Variants in SAMD5 observed in about 807,000 individuals in gnomAD.
SAMD5 encodes sterile alpha motif domain containing 5.
In SAMD5, 13 loss-of-function variants were observed where a neutral mutation model predicts 11.3. That is an observed-to-expected ratio of 1.15 (90% CI 0.75 to 1.83). The LOEUF (loss-of-function observed/expected upper bound fraction) is 1.83. Ranked by LOEUF, SAMD5 falls within the 40% of genes most tolerant of loss-of-function variation. SAMD5 has a pLI of 0.00. For synonymous variants in SAMD5, 129 were observed against 111.3 expected (o/e 1.16, Z -1.00); for missense variants, 255 against 239.1 (o/e 1.07, Z -0.44).
intron 1 of SAMD5, among the ~76,000 whole-genome samples, chr6:147,611,513 A>G (rs1325876594): frequency 6.6e-6 from 1 of 151,806 alleles, no homozygotes; most frequent in African/African-American, 2.4e-5. Flanking sequence ...CAGTGAGCCG[A>G]GATCACACCA....
the SAMD5 span, among the ~76,000 whole-genome samples, chr6:147,780,295 C>T: frequency 0.027 from 4,050 of 151,994 alleles, 176 homozygotes; most frequent in African/African-American, 0.092. Context: ...GCAATGTCTG[C>T]CTCCTGAGTT....
intron 1 of SAMD5, among the ~76,000 whole-genome samples, chr6:147,518,564 A>T (rs1788206891): frequency 6.6e-6 from 1 of 152,200 alleles, no homozygotes; most frequent in African/African-American, 2.4e-5. Context: ...CGTGGACTTG[A>T]TGAGGGCTGG....
chr6:147,816,281 C>CAAAAAAAAAAAAA, the SAMD5 span, among the ~76,000 whole-genome samples: 1 of 27,844 alleles, frequency 3.6e-5, no homozygotes, highest in African/African-American at 1.6e-4. Context: ...ACTCCGTCTC[C>CAAAAAAAAAAAAA]AAAAAAAAAA....
At chr6:147,933,522 T>G in the SAMD5 span, among the ~76,000 whole-genome samples, 1 of 152,196 alleles carries the variant, frequency 6.6e-6, no homozygotes, top group East Asian at 1.9e-4. Flanking sequence ...ATTCTACTCT[T>G]TCTTTGCTGT....
the SAMD5 span, among the ~76,000 whole-genome samples, chr6:147,771,527 C>A: frequency 6.6e-6 from 1 of 152,274 alleles, no homozygotes; most frequent in East Asian, 1.9e-4. Context: ...TGAATTCATG[C>A]CTCTCAAATG....
In SAMD5 at chr6:147,568,036, T is replaced by C; in HGVS notation, c.*3580T>C. Reference sequence around the variant, plus strand: ...AGGTATTTCATTAGCTTTCTTCTCTTTATGGCAGCTTCAGATTGATGAATT... The same window carrying C: ...AGGTATTTCATTAGCTTTCTTCTCTCTATGGCAGCTTCAGATTGATGAATT... On this transcript the variant is annotated 3_prime_UTR_variant, in exon 2 of 2. Transcript: ENST00000367474. The C allele has an allele frequency of 1.0e-6, 1 of 985,414 alleles. No individual in the cohort carries two copies. The highest frequency in any genetic ancestry group is 1.2e-6 in the Non-Finnish European group (1 of 829,934). The allele number at this position is 985,414 out of a possible 1,614,324, so 61.0% of individuals were successfully genotyped here.
At chr6:147,595,784 C>G (rs1231585256) in intron 1 of SAMD5, among the ~76,000 whole-genome samples, 1 of 152,050 alleles carries the variant, frequency 6.6e-6, no homozygotes. Context: ...CTCTGCCTCC[C>G]AAAGTGCTGG....
the SAMD5 span, among the ~76,000 whole-genome samples, chr6:147,937,186 G>T: frequency 6.6e-6 from 1 of 152,152 alleles, no homozygotes; most frequent in Non-Finnish European, 1.5e-5. Context: ...GTTACTGAAG[G>T]CTATAATATT....
At chr6:147,690,090 TG>T (rs1453322688) in intron 1 of SAMD5, among the ~76,000 whole-genome samples, 3 of 152,180 alleles carry the variant, frequency 2.0e-5, no homozygotes, top group Non-Finnish European at 4.4e-5. Flanking sequence ...ATCAAAATGT[TG>T]TTGGAGACAT....
At chr6:147,826,503 G>T in the SAMD5 span, among the ~76,000 whole-genome samples, 7 of 152,140 alleles carry the variant, frequency 4.6e-5, no homozygotes, top group African/African-American at 1.7e-4. Flanking sequence ...TTCTACTAAT[G>T]GTTCTTCAGT....
chr6:147,665,360 A>G (rs1420415315), intron 1 of SAMD5, among the ~76,000 whole-genome samples: 1 of 152,212 alleles, frequency 6.6e-6, no homozygotes, highest in Admixed American at 6.5e-5. Flanking sequence ...AAAACTTGTT[A>G]TGTCTACATG....
At chr6:147,599,993 G>T (rs1789591691) in intron 1 of SAMD5, among the ~76,000 whole-genome samples, 1 of 152,024 alleles carries the variant, frequency 6.6e-6, no homozygotes, top group Non-Finnish European at 1.5e-5. Context: ...GGGACCAGGA[G>T]GTGTGTGTGG....
the SAMD5 span, among the ~76,000 whole-genome samples, chr6:147,845,036 T>C: frequency 6.6e-6 from 1 of 152,192 alleles, no homozygotes; most frequent in South Asian, 2.1e-4. Context: ...GTGATAGATA[T>C]GCTGAGTACC....
At chr6:147,617,161 A>C (rs1457117256) in intron 1 of SAMD5, among the ~76,000 whole-genome samples, 2 of 152,154 alleles carry the variant, frequency 1.3e-5, no homozygotes, top group Non-Finnish European at 2.9e-5. Flanking sequence ...GGTGAGTCTT[A>C]TTCATACCTG....
intron 1 of SAMD5, among the ~76,000 whole-genome samples, chr6:147,691,264 G>A (rs567718343): frequency 2.6e-3 from 396 of 152,158 alleles, no homozygotes; most frequent in Non-Finnish European, 4.3e-3. Context: ...AAAGTGCTGG[G>A]GTTACAGGCG....
intron 1 of SAMD5, among the ~76,000 whole-genome samples, chr6:147,725,909 G>C (rs1358782701): frequency 6.6e-6 from 1 of 152,166 alleles, no homozygotes; most frequent in East Asian, 1.9e-4. Flanking sequence ...ATTACCTGAA[G>C]GGGCTATTAA....
the SAMD5 span, among the ~76,000 whole-genome samples, chr6:147,770,777 T>TA: frequency 6.6e-5 from 10 of 152,236 alleles, no homozygotes; most frequent in Non-Finnish European, 2.9e-5. Context: ...GAACATCTTT[T>TA]AAAAAATAAA....
At chr6:147,633,065 T>C (rs530085286) in intron 1 of SAMD5, among the ~76,000 whole-genome samples, 37 of 152,164 alleles carry the variant, frequency 2.4e-4, no homozygotes, top group Non-Finnish European at 5.1e-4. Flanking sequence ...AGAGGTAAAC[T>C]GAATCAAATG....
At chr6:147,643,795 A>AGG (rs1554239609) in intron 1 of SAMD5, among the ~76,000 whole-genome samples, 7 of 147,006 alleles carry the variant, frequency 4.8e-5, no homozygotes, top group African/African-American at 1.0e-4. Flanking sequence ...GAAGGAAGGA[A>AGG]AGAGAGAGAG....
Sources: gnomAD v4.1 joint callset for allele counts (sites outside exome capture counted in the v4.1 genomes callset) on GRCh38, gnomAD v4.1.1 for gene constraint, MANE v1.5 for transcripts, NCBI Gene and HGNC (gene_info 2026-07-23, HGNC 2026-07-21) for gene names.